The following FSIP2 variants were observed in gnomAD, a reference collection of about 807,000 sequenced individuals.
FSIP2 encodes fibrous sheath-interacting protein 2.
In FSIP2, 367 loss-of-function variants were observed where a neutral mutation model predicts 510.5. The observed-to-expected ratio is 0.72, with a 90% CI of 0.66 to 0.78. The LOEUF is 0.78. Ranked by LOEUF, FSIP2 falls within the 30% of genes least tolerant of loss-of-function variation. The pLI, the probability that FSIP2 is intolerant of heterozygous loss-of-function variation, is 0.00. For missense variants in FSIP2, 7,594 were observed against 7,901.7 expected (o/e 0.96, Z 1.48); for synonymous variants, 2,601 against 2,732.2 (o/e 0.95, Z 1.50).
Position 185,791,255 on chromosome 2 carries a change from A to G in FSIP2, c.4119A>G (p.Gln1373=). ...TGTTATCAAGTGAAAATGCACATCA[A>G]AGAAGCATTTCACTCTCTTCTCGTA... is the stretch of plus-strand genomic sequence containing the variant. ...DMLLSSENAH[Q]RSISLSSRKP... The change falls in exon 16 of 23, where the codon CAA becomes CAG. Residue 1373 remains glutamine, a synonymous_variant. Coordinates refer to ENST00000424728, the MANE Select transcript of FSIP2 (RefSeq NM_173651.4). 2.0e-6 allele frequency: 3 copies of G among 1,534,046 alleles called. No homozygotes were observed. Among genetic ancestry groups the G allele is most frequent in the Non-Finnish European group, 2.6e-6 (3 of 1,145,476 alleles).
chr2:185,789,502 G>C lies in FSIP2; in HGVS notation c.2366G>C (p.Ser789Thr). 6.5e-7 allele frequency: 1 copy of C among 1,534,628 alleles called. No homozygotes were observed. Among genetic ancestry groups the C allele is most frequent in the Non-Finnish European group, 8.7e-7 (1 of 1,145,880 alleles). The change falls in exon 16 of 23, where the codon AGT becomes ACT. Residue 789 changes from serine to threonine, a missense_variant. Ser to Thr is a moderately conservative substitution (Grantham distance 58). Transcript: ENST00000424728. ...GATTTGTCAGTCGACATTAAACCAA[G>C]TTTAGCAGCCAGTGATGAACTTCTC... Reference protein sequence around the residue: ...SQDLSVDIKPSLAASDELLTS... With the variant: ...SQDLSVDIKPTLAASDELLTS...
At position 185,738,890 on chromosome 2, in the gene FSIP2, C is replaced by T; in HGVS notation, c.-5C>T. The T allele has an allele frequency of 3.3e-6, 5 of 1,535,418 alleles. No homozygotes were observed. The South Asian group carries it at 3.6e-5, about 11-fold the overall frequency. On this transcript the variant is annotated 5_prime_UTR_variant, in exon 1 of 23. Transcript: ENST00000424728. The stretch of plus-strand genomic sequence containing the variant: ...GAGGAAGGGGCTGAGGGGGCTGTGC[C>T]GGCCATGGAGCTGTACCTCGGCGCC...
Position 185,802,109 on chromosome 2 carries a change from T to G in FSIP2, c.12803T>G (p.Leu4268Ter). The G allele has an allele frequency of 6.5e-6, 10 of 1,533,584 alleles. No homozygotes were observed. Among genetic ancestry groups the G allele is most frequent in the Non-Finnish European group, 8.7e-6 (10 of 1,145,200 alleles). The allele number at this position is 1,533,584 out of a possible 1,614,324, so 95.0% of individuals were successfully genotyped here. A position where few individuals can be genotyped will look rare whatever the true frequency, so the allele number is the denominator to read the frequency against. ...CAACCATTTTTGAGTGGAGAGGTTT[T>G]ATGTCATCCAAGGACTCCACTGGAT... ...HLQPFLSGEVLCHPRTPLDPV... is the reference protein window; with the variant it reads ...HLQPFLSGEV The change falls in exon 17 of 23, where the codon TTA becomes TGA. Residue 4268 changes from leucine (L) to a stop codon, truncating the protein, a stop_gained. Transcript: ENST00000424728. LOFTEE classifies it high-confidence loss of function.
At chr2:185,769,850 A>T (rs1001838621) in intron 13 of FSIP2, among the ~76,000 whole-genome samples, 11 of 152,132 alleles carry the variant, frequency 7.2e-5, no homozygotes, top group Admixed American at 1.3e-4. Context: ...TTATTCCAGA[A>T]CCATTTATTG....
In FSIP2 at chr2:185,808,659, T is replaced by TA; in HGVS notation, c.19359dup (p.Val6454SerfsTer3). On this transcript the variant is annotated frameshift_variant, in exon 17 of 23. Coordinates refer to ENST00000424728, the MANE Select transcript of FSIP2 (RefSeq NM_173651.4). LOFTEE classifies it high-confidence loss of function. ...TAAAAGATACAAATACAGCCTTTCC[T>TA]AAAAAAGTGGCTAGTTTAATTATTG... The TA allele has an allele frequency of 6.2e-7, 1 of 1,605,834 alleles. No homozygotes were observed. Among genetic ancestry groups the TA allele is most frequent in the Non-Finnish European group, 8.5e-7 (1 of 1,176,792 alleles).
Position 185,791,163 on chromosome 2 carries a change from T to A in FSIP2, c.4027T>A (p.Ser1343Thr). 1 of 1,533,668 alleles carries A rather than the reference T, an allele frequency of 6.5e-7. No homozygotes were observed. The highest frequency in any genetic ancestry group is 2.4e-5 in the East Asian group (1 of 40,836). ...TGCTAATACTGATAAAAAATTAGAATCTCTTGTCACGAGTATTGATGATGA... is the reference window on the plus strand; with the variant it reads ...TGCTAATACTGATAAAAAATTAGAAACTCTTGTCACGAGTATTGATGATGA... ...FFANTDKKLE[S>T]LVTSIDDDIL... is the part of the protein sequence containing the mutation. The change falls in exon 16 of 23, where the codon TCT becomes ACT. Residue 1343 changes from serine (S) to threonine (T), a missense_variant. Ser to Thr is a moderately conservative substitution (Grantham distance 58, BLOSUM62 1). Coordinates refer to ENST00000424728, the MANE Select transcript of FSIP2 (RefSeq NM_173651.4).
chr2:185,742,106 G>T (rs562958326), intron 2 of FSIP2, among the ~76,000 whole-genome samples: 1 of 152,286 alleles, frequency 6.6e-6, no homozygotes, highest in African/African-American at 2.4e-5. Context: ...CTGAGCCAGT[G>T]CCTGATTTAA....
In FSIP2 at chr2:185,833,172, A is replaced by G. The variant is rs528518358; in HGVS notation, c.20670A>G (p.Gln6890=). 14 of 1,611,312 alleles carry G rather than the reference A, an allele frequency of 8.7e-6. No homozygotes were observed. Among genetic ancestry groups the G allele is most frequent in the South Asian group, 7.7e-5 (7 of 90,884 alleles). ...CAACTTTGTCAAAGGTGTTTTCTCA[A>G]TGTAACACCAATATTTCCAGATCTT... ...MSSTLSKVFS[Q]CNTNISRSSS... The change falls in exon 23 of 23, where the codon CAA becomes CAG. Residue 6890 remains glutamine (Q), a synonymous_variant. Transcript: ENST00000424728.
At position 185,789,475 on chromosome 2, in the gene FSIP2, A is replaced by G; in HGVS notation, c.2339A>G (p.Gln780Arg). Residue 780 changes from glutamine to arginine, a missense_variant, in exon 16 of 23, where the codon CAA becomes CGA. By Grantham distance (43) the Gln-to-Arg change is conservative. Coordinates refer to ENST00000424728, the MANE Select transcript of FSIP2 (RefSeq NM_173651.4). ...AAAAAATGTGTTGAGATGTTTTCAC[A>G]AGATTTGTCAGTCGACATTAAACCA... The part of the protein sequence containing the change: ...VEKKCVEMFS[Q>R]DLSVDIKPSL... 1.3e-6 allele frequency: 2 copies of G among 1,534,684 alleles called. No individual in the cohort carries two copies. The highest frequency in any genetic ancestry group is 1.7e-6 in the Non-Finnish European group (2 of 1,145,868).
At position 185,795,120 on chromosome 2, in the gene FSIP2, G is replaced by A. The variant is rs775602123; in HGVS notation, c.7984G>A (p.Ala2662Thr). Residue 2662 changes from alanine (A) to threonine (T), a missense_variant, in exon 16 of 23, where the codon GCA becomes ACA. Transcript: ENST00000424728. ...GGACAACCCTAAGCCATGCTTTAAA[G>A]CACATTTAAAAACAAGATCAAAAAT... ...PKDNPKPCFK[A>T]HLKTRSKITT... 2.6e-6 allele frequency: 4 copies of A among 1,534,840 alleles called. No individual in the cohort carries two copies. The highest frequency in any genetic ancestry group is 2.7e-5 in the African/African-American group (2 of 72,976).
intron 5 of FSIP2, among the ~76,000 whole-genome samples, chr2:185,746,287 TG>T (rs1386276786): frequency 8.5e-4 from 89 of 104,584 alleles, no homozygotes; most frequent in African/African-American, 3.2e-3. Flanking sequence ...TCAAATGGAC[TG>T]TTTTTTTTTT....
chr2:185,810,131 C>T (rs1042583885), intron 17 of FSIP2, among the ~76,000 whole-genome samples: 3 of 152,078 alleles, frequency 2.0e-5, no homozygotes, highest in African/African-American at 4.8e-5. Flanking sequence ...CTGCAACCCA[C>T]TAAACTGAAT....
At chr2:185,753,678 A>C (rs1366533319) in intron 7 of FSIP2, 44 bp from the exon 8 acceptor site, 1 of 825,378 alleles carries the variant, frequency 1.2e-6, no homozygotes, top group East Asian at 2.9e-5. Flanking sequence ...ACATTTCTAA[A>C]TGGCAAGTTA....
Position 185,738,894 on chromosome 2 carries a change from C to T in FSIP2, c.-1C>T, listed in dbSNP as rs1223955138. ...AAGGGGCTGAGGGGGCTGTGCCGGCCATGGAGCTGTACCTCGGCGCCTGCT... is the reference window on the plus strand; with the variant it reads ...AAGGGGCTGAGGGGGCTGTGCCGGCTATGGAGCTGTACCTCGGCGCCTGCT... On this transcript the variant is annotated 5_prime_UTR_variant, in exon 1 of 23. Coordinates refer to ENST00000424728, the MANE Select transcript of FSIP2 (RefSeq NM_173651.4). The T allele has an allele frequency of 5.2e-6, 8 of 1,535,288 alleles. No homozygotes were observed. The Admixed American group carries it at 1.2e-4, about 23-fold the overall frequency.
chr2:185,818,582 A>G (rs1693864103), intron 19 of FSIP2, among the ~76,000 whole-genome samples: 1 of 151,936 alleles, frequency 6.6e-6, no homozygotes, highest in African/African-American at 2.4e-5. Flanking sequence ...AAAGTGATTC[A>G]TCATGTACAA....
chr2:185,807,716 A>T lies in FSIP2; in HGVS notation c.18410A>T (p.Glu6137Val). Residue 6137 changes from glutamate to valine, a missense_variant, in exon 17 of 23, where the codon GAG (glutamate) becomes GTG (valine). Physicochemically the swap from Glu to Val is moderately radical, Grantham distance 121 (BLOSUM62 -2). Transcript: ENST00000424728. ...CAGCTGCAGAGCTATTTTTGTGGAG[A>T]GCTAACTCCACATCAGTGTGTGGAA... ...SNQLQSYFCG[E>V]LTPHQCVEVE... is the part of the protein sequence containing the mutation. 1 of 1,612,418 alleles carries T rather than the reference A, an allele frequency of 6.2e-7. No homozygotes were observed. Among genetic ancestry groups the T allele is most frequent in the Non-Finnish European group, 8.5e-7 (1 of 1,179,026 alleles).
chr2:185,763,334 G>A, intron 12 of FSIP2, 45 bp downstream of exon 12: 1 of 786,690 alleles, frequency 1.3e-6, no homozygotes, highest in Non-Finnish European at 2.2e-6. Context: ...CAATAAAAGG[G>A]ATATGATCTT....
chr2:185,828,799 T>A (rs1479251484), intron 21 of FSIP2, among the ~76,000 whole-genome samples: 1 of 151,916 alleles, frequency 6.6e-6, no homozygotes, highest in Non-Finnish European at 1.5e-5. Context: ...CTGTGTTTTT[T>A]AATCAGATTG....
intron 1 of FSIP2, 79 bp downstream of exon 1, chr2:185,739,072 A>G (rs1348103177): frequency 3.5e-6 from 5 of 1,432,450 alleles, no homozygotes; most frequent in Non-Finnish European, 4.6e-6. Flanking sequence ...ATCGCCACAC[A>G]CGGGTCGCGA....
Sources: allele counts gnomAD v4.1 joint callset (sites outside exome capture counted in the v4.1 genomes callset), GRCh38; gene constraint gnomAD v4.1.1; transcripts MANE v1.5; gene names NCBI Gene and HGNC (gene_info 2026-07-23, HGNC 2026-07-21).